WNT8B: variants seen among roughly 807,000 people sequenced by gnomAD.
WNT8B encodes the protein protein Wnt-8b.
WNT8B carries 24 observed loss-of-function variants against 36.6 expected under a neutral mutation model. That is an observed-to-expected ratio of 0.66 (90% confidence interval 0.48 to 0.92). WNT8B has a LOEUF of 0.92. WNT8B is among the 40% of genes least tolerant of loss of function. The pLI is 0.00. For synonymous variants in WNT8B, 199 were observed against 189.8 expected (o/e 1.05, Z -0.40); for missense variants, 402 against 470.8 (o/e 0.85, Z 1.35).
intron 1 of WNT8B, among the ~76,000 whole-genome samples, chr10:100,464,661 T>C (rs1334158653): frequency 1.3e-5 from 2 of 152,158 alleles, no homozygotes; most frequent in Non-Finnish European, 2.9e-5. Context: ...AATTCAAGTG[T>C]CTGGATTCAA....
intron 1 of WNT8B, among the ~76,000 whole-genome samples, chr10:100,467,373 T>G (rs1319619441): frequency 1.3e-5 from 2 of 152,132 alleles, no homozygotes. Context: ...TACCAGCACA[T>G]TATGGGGCTA....
At chr10:100,478,170 A>C (rs922563324) in intron 1 of WNT8B, among the ~76,000 whole-genome samples, 1 of 152,144 alleles carries the variant, frequency 6.6e-6, no homozygotes, top group African/African-American at 2.4e-5. Context: ...CAATCCCTAG[A>C]GAGATATTCC....
At chr10:100,472,311 C>T (rs996569874) in intron 1 of WNT8B, among the ~76,000 whole-genome samples, 2 of 151,678 alleles carry the variant, frequency 1.3e-5, no homozygotes, top group African/African-American at 2.4e-5. Flanking sequence ...GGGGTTTCAC[C>T]GTGGTCTCGA....
At chr10:100,478,984 T>C (rs1177266830) in intron 1 of WNT8B, 68 bp from the exon 2 acceptor site, 2 of 1,393,134 alleles carry the variant, frequency 1.4e-6, no homozygotes, top group East Asian at 2.3e-5. Context: ...TTCTTACCAC[T>C]CTTGGAAGCA....
In WNT8B at chr10:100,482,216, G is replaced by A; in HGVS notation, c.511-55G>A. The A allele has an allele frequency of 6.5e-7, 1 of 1,539,152 alleles. No individual in the cohort carries two copies. The highest frequency in any genetic ancestry group is 1.4e-5 in the African/African-American group (1 of 73,724). Reference sequence around the variant, plus strand: ...ACTTCTCGCAACTCCCACAGGGGCAGTTAAACTCGCCACGCGCTTAATCCG... The same window carrying A: ...ACTTCTCGCAACTCCCACAGGGGCAATTAAACTCGCCACGCGCTTAATCCG... On this transcript the variant is annotated intron_variant, in intron 5 of 5. Transcript: ENST00000343737. The surrounding 1 kb of genome is among the most constrained non-coding windows in gnomAD (Gnocchi z 6.6).
intron 1 of WNT8B, among the ~76,000 whole-genome samples, chr10:100,473,371 C>A (rs1384379909): frequency 1.3e-5 from 2 of 152,150 alleles, no homozygotes; most frequent in Non-Finnish European, 2.9e-5. Context: ...TCACCACAAT[C>A]CATTTTAGAA....
At chr10:100,472,547 T>G (rs543145435) in intron 1 of WNT8B, among the ~76,000 whole-genome samples, 10 of 152,300 alleles carry the variant, frequency 6.6e-5, no homozygotes, top group Non-Finnish European at 1.3e-4. Flanking sequence ...ATGATACAGG[T>G]AAAGCACTTA....
intron 1 of WNT8B, among the ~76,000 whole-genome samples, chr10:100,472,662 CAAG>C (rs967264299): frequency 5.3e-5 from 8 of 152,160 alleles, no homozygotes; most frequent in African/African-American, 1.7e-4. Flanking sequence ...ACAGCTAACA[CAAG>C]AAGAAGAAAC....
intron 1 of WNT8B, among the ~76,000 whole-genome samples, chr10:100,467,299 C>A (rs1166573309): frequency 2.0e-5 from 3 of 152,188 alleles, no homozygotes. Flanking sequence ...AATTCACCAT[C>A]ATCTGACCAG....
chr10:100,466,353 G>A (rs931253905), intron 1 of WNT8B, among the ~76,000 whole-genome samples: 1 of 152,040 alleles, frequency 6.6e-6, no homozygotes, highest in East Asian at 1.9e-4. Context: ...ACTGTAGGAA[G>A]GCCTGAGGGC....
intron 1 of WNT8B, among the ~76,000 whole-genome samples, chr10:100,476,591 C>T (rs551343397): frequency 1.6e-5 from 1 of 61,590 alleles, no homozygotes; most frequent in African/African-American, 2.2e-4. Flanking sequence ...AGGGGTACAC[C>T]AGCATGGAAC....
rs17113113 is a variant in WNT8B, at chr10:100,463,320, A to G, written c.68+84A>G. On this transcript the variant is annotated intron_variant, in intron 1 of 5. Coordinates refer to ENST00000343737, the MANE Select transcript of WNT8B (RefSeq NM_003393.4). ...GGTAAAGCTCATTTCATTTCCAGAA[A>G]TGTAGGAAGCCTTGATAGCTCTCCT... 5,588 of 1,395,346 alleles carry G rather than the reference A, an allele frequency of 4.0e-3. 96 individuals carry two copies. In the East Asian group the frequency reaches 0.056, roughly 14 times the overall value. The allele number at this position is 1,395,346 out of a possible 1,614,324, so 86.4% of individuals were successfully genotyped here.
At chr10:100,467,268 A>C (rs934958512) in intron 1 of WNT8B, among the ~76,000 whole-genome samples, 1 of 152,202 alleles carries the variant, frequency 6.6e-6, no homozygotes, top group Non-Finnish European at 1.5e-5. Context: ...AGAGAAAATC[A>C]GATCATAAGG....
chr10:100,467,774 T>G (rs1446633783), intron 1 of WNT8B, among the ~76,000 whole-genome samples: 1 of 152,220 alleles, frequency 6.6e-6, no homozygotes, highest in Non-Finnish European at 1.5e-5. Context: ...GGGAAAAACA[T>G]GTTTTTACAA....
rs1206085634 is a variant in WNT8B at position 100,482,352 on chromosome 10, C to G, written c.592C>G (p.Leu198Val). 1.8e-5 allele frequency: 29 copies of G among 1,604,774 alleles called. No individual in the cohort carries two copies. Among genetic ancestry groups the G allele is most frequent in the Non-Finnish European group, 2.5e-5 (29 of 1,179,888 alleles). Residue 198 changes from leucine to valine, a missense_variant, in exon 6 of 6, where the codon CTG (leucine) becomes GTG (valine). Coordinates refer to ENST00000343737, the MANE Select transcript of WNT8B (RefSeq NM_003393.4). This position sits in a 1 kb window ranked among gnomAD's most constrained non-coding sequence, Gnocchi z 6.6. ...CACCACGCAGACCTGTTGGCTGCAG[C>G]TGCCCGAGTTCCGCGAGGTGGGCGC... ...SCTTQTCWLQ[L>V]PEFREVGAHL...
chr10:100,470,451 A>C (rs1274060431), intron 1 of WNT8B, among the ~76,000 whole-genome samples: 1 of 151,654 alleles, frequency 6.6e-6, no homozygotes, highest in Non-Finnish European at 1.5e-5. Flanking sequence ...GGCTGGTTTC[A>C]AACTCCTGGG....
intron 4 of WNT8B, among the ~76,000 whole-genome samples, chr10:100,481,500 T>C (rs1210974379): frequency 1.3e-5 from 2 of 152,194 alleles, no homozygotes; most frequent in Non-Finnish European, 2.9e-5. Context: ...CCAACATCGT[T>C]GTTCCATATT....
rs1386715001 is a variant in WNT8B, at chr10:100,481,171, A to G, written c.367+48A>G. ...GTACCATAGGCCAGCCAACGCACATAAAGAATGAAAAGCCTGGTGGGGGTG... is the reference window on the plus strand; with the variant it reads ...GTACCATAGGCCAGCCAACGCACATGAAGAATGAAAAGCCTGGTGGGGGTG... On this transcript the variant is annotated intron_variant, in intron 4 of 5. Coordinates refer to ENST00000343737, the MANE Select transcript of WNT8B (RefSeq NM_003393.4). 4 of 1,601,892 alleles carry G rather than the reference A, an allele frequency of 2.5e-6. No individual in the cohort carries two copies. The African/African-American group carries it at 4.0e-5, about 16-fold the overall frequency.
Position 100,479,874 on chromosome 10 carries a change from G to A in WNT8B, c.103G>A (p.Ala35Thr), listed in dbSNP as rs1352401644. 2.5e-6 allele frequency: 4 copies of A among 1,613,914 alleles called. No individual in the cohort carries two copies. The highest frequency in any genetic ancestry group is 3.4e-6 in the Non-Finnish European group (4 of 1,179,870). ...VNNFLMTGPKAYLIYSSSVAA... is the reference protein window; with the variant it reads ...VNNFLMTGPKTYLIYSSSVAA... ...AATTTTTACCCCTATGTCCCTACAG[G>A]CTTACCTGATTTACTCCAGCAGTGT... The change falls in exon 3 of 6, where the codon GCT becomes ACT. Residue 35 changes from alanine to threonine, a missense_variant and splice_region_variant. Ala to Thr is a moderately conservative substitution (Grantham distance 58). Around this residue, in one of 3 missense-constraint regions of WNT8B, gnomAD observed 131 missense variants for 152.6 expected, o/e 0.86. Coordinates refer to ENST00000343737, the MANE Select transcript of WNT8B (RefSeq NM_003393.4).
Sources: allele counts gnomAD v4.1 joint callset (sites outside exome capture counted in the v4.1 genomes callset), GRCh38; gene constraint gnomAD v4.1.1; regional missense constraint gnomAD v4.1.1; non-coding constraint Gnocchi (gnomAD v3.1); transcripts MANE v1.5; gene names NCBI Gene and HGNC (gene_info 2026-07-23, HGNC 2026-07-21).